ORC5: variants seen among roughly 807,000 people sequenced by gnomAD.
ORC5 encodes origin recognition complex subunit 5, also known as protein phosphatase 1, regulatory subunit 117.
In ORC5, 39 loss-of-function variants were observed where a neutral mutation model predicts 58.8. The ratio of observed to expected loss-of-function variants is 0.66; its 90% CI spans 0.51 to 0.87. The LOEUF is 0.87. Ranked by LOEUF, ORC5 falls within the 40% of genes least tolerant of loss-of-function variation. The probability of loss-of-function intolerance (pLI) is 0.00; values close to 1 mark genes in which losing one functional copy is unlikely to be tolerated. For synonymous variants in ORC5, 218 were observed against 177.6 expected, an observed-to-expected ratio of 1.23 and a Z score of -1.81; for missense variants, 493 against 506.3, an observed-to-expected ratio of 0.97 and a Z score of 0.25.
intron 12 of ORC5, among the ~76,000 whole-genome samples, chr7:104,143,312 A>T (rs925453024): frequency 6.6e-6 from 1 of 152,130 alleles, no homozygotes. Flanking sequence ...TTTTTCCACA[A>T]TTTTTTCATA....
intron 6 of ORC5, chr7:104,187,925 TTC>T (rs1189479836): frequency 1.0e-6 from 1 of 999,952 alleles, no homozygotes; most frequent in East Asian, 1.0e-4. Context: ...TACATCTCTT[TTC>T]TGTTATTCCT....
At chr7:104,131,573 C>A (rs889592624) in intron 13 of ORC5, among the ~76,000 whole-genome samples, 1 of 152,116 alleles carries the variant, frequency 6.6e-6, no homozygotes, top group Non-Finnish European at 1.5e-5. Context: ...CTCTCTTGGC[C>A]AGACACAGTG....
At chr7:104,189,051 T>C (rs1799614226) in intron 5 of ORC5, among the ~76,000 whole-genome samples, 1 of 152,020 alleles carries the variant, frequency 6.6e-6, no homozygotes, top group African/African-American at 2.4e-5. Context: ...CAGTCTCAGG[T>C]ATGTTTATAG....
chr7:104,179,587 T>TAA (rs1485002096), intron 8 of ORC5, among the ~76,000 whole-genome samples: 6 of 147,722 alleles, frequency 4.1e-5, no homozygotes, highest in African/African-American at 1.2e-4. Context: ...AAATTAGAGG[T>TAA]TTTCACTTTG....
intron 3 of ORC5, among the ~76,000 whole-genome samples, chr7:104,199,536 C>T (rs548257632): frequency 1.3e-5 from 2 of 152,376 alleles, no homozygotes; most frequent in African/African-American, 4.8e-5. Context: ...GGATTGCAGA[C>T]TTTCTTGGGG....
intron 1 of ORC5, among the ~76,000 whole-genome samples, chr7:104,207,294 T>C (rs1246519071): frequency 1.3e-5 from 2 of 152,190 alleles, no homozygotes; most frequent in African/African-American, 4.8e-5. Context: ...CTCTAGGGCA[T>C]CCTGTGAACT....
Position 104,128,714 on chromosome 7 carries a change from C to T in ORC5, c.1263-1821G>A, listed in dbSNP as rs561272550. ...CAACAGTCCCCAGAGTGTGATGTTC[C>T]CCTTCCTGTGTCCGTGTGTTCTCAT... On this transcript the variant is annotated intron_variant, in intron 13 of 13. Coordinates refer to ENST00000297431, the MANE Select transcript of ORC5 (RefSeq NM_002553.4). Among the ~76,000 whole-genome samples the T allele has an allele frequency of 9.2e-5, 12 of 130,924 alleles. No individual in the cohort carries two copies. The East Asian group carries it at 3.3e-3, about 36-fold the overall frequency. The allele number at this position is 130,924 out of a possible 152,430, so 85.9% of individuals were successfully genotyped here.
intron 1 of ORC5, among the ~76,000 whole-genome samples, chr7:104,207,192 A>T (rs942718265): frequency 2.0e-5 from 3 of 151,946 alleles, no homozygotes; most frequent in Admixed American, 1.3e-4. Flanking sequence ...AATAGTCAAA[A>T]ATAGGTTAAA....
intron 12 of ORC5, among the ~76,000 whole-genome samples, chr7:104,153,319 A>C (rs1475700644): frequency 2.0e-5 from 3 of 152,192 alleles, no homozygotes; most frequent in Non-Finnish European, 4.4e-5. Flanking sequence ...AGGAGATTTG[A>C]GAATCTCATT....
chr7:104,170,425 G>A (rs1019899002), intron 8 of ORC5, among the ~76,000 whole-genome samples: 15 of 152,154 alleles, frequency 9.9e-5, no homozygotes, highest in African/African-American at 3.6e-4. Flanking sequence ...GAGTCAGAAG[G>A]ATCCTTCTAA....
intron 11 of ORC5, 137 bp from the exon 12 acceptor site, chr7:104,161,319 A>C: frequency 9.0e-6 from 5 of 558,582 alleles, no homozygotes; most frequent in Non-Finnish European, 1.6e-5. Context: ...TAACCTGCAA[A>C]CTCTAAGTTA....
intron 1 of ORC5, among the ~76,000 whole-genome samples, chr7:104,206,672 T>G (rs192543254): frequency 6.6e-6 from 1 of 152,238 alleles, no homozygotes; most frequent in African/African-American, 2.4e-5. Flanking sequence ...CCACCTCAAA[T>G]TGCCATGCAA....
intron 13 of ORC5, among the ~76,000 whole-genome samples, chr7:104,128,284 G>A (rs1312756491): frequency 6.6e-6 from 1 of 152,086 alleles, no homozygotes; most frequent in East Asian, 1.9e-4. Flanking sequence ...CAACACGCCT[G>A]GCTAATTTTT....
intron 1 of ORC5, 47 bp downstream of exon 1, chr7:104,207,786 C>T: frequency 1.3e-6 from 2 of 1,563,284 alleles, no homozygotes; most frequent in Non-Finnish European, 1.8e-6. Context: ...CGCAAGACTA[C>T]CGAAACGTCT....
At position 104,126,628 on chromosome 7, in the gene ORC5, C is replaced by T. The variant is rs1326914831; in HGVS notation, c.*220G>A. ...CAAACCCTGCTGTTTATAATTAACA[C>T]GTTGCTTCCAAATACTCCAGGGTCC... On this transcript the variant is annotated 3_prime_UTR_variant, in exon 14 of 14. Coordinates refer to ENST00000297431, the MANE Select transcript of ORC5 (RefSeq NM_002553.4). 1.1e-5 allele frequency: 5 copies of T among 466,892 alleles called. No homozygotes were observed. The highest frequency in any genetic ancestry group is 1.5e-5 in the Non-Finnish European group (4 of 265,814). The allele number at this position is 466,892 out of a possible 1,614,324, so 28.9% of individuals were successfully genotyped here.
chr7:104,159,124 A>C (rs1382514640), intron 12 of ORC5, among the ~76,000 whole-genome samples: 1 of 150,944 alleles, frequency 6.6e-6, no homozygotes, highest in Non-Finnish European at 1.5e-5. Flanking sequence ...TGGCACATAT[A>C]CACCATGGAA....
intron 10 of ORC5, among the ~76,000 whole-genome samples, chr7:104,166,229 A>G (rs577985704): frequency 6.6e-6 from 1 of 152,324 alleles, no homozygotes; most frequent in East Asian, 1.9e-4. Flanking sequence ...AGCATGAAGA[A>G]TGAGTAGAGA....
At chr7:104,167,196 C>A (rs11973246) in intron 9 of ORC5, among the ~76,000 whole-genome samples, 21 of 152,132 alleles carry the variant, frequency 1.4e-4, no homozygotes, top group Admixed American at 1.2e-3. Context: ...AATAGAGAAA[C>A]TTATTTCTAC....
intron 8 of ORC5, among the ~76,000 whole-genome samples, chr7:104,181,825 T>C (rs1306140502): frequency 1.3e-5 from 2 of 150,678 alleles, no homozygotes; most frequent in Non-Finnish European, 3.0e-5. Flanking sequence ...GTGCACAGAA[T>C]TGCCTGGTTT....
Sources: gnomAD v4.1 joint callset for allele counts (sites outside exome capture counted in the v4.1 genomes callset) on GRCh38, gnomAD v4.1.1 for gene constraint, MANE v1.5 for transcripts, NCBI Gene and HGNC (gene_info 2026-07-23, HGNC 2026-07-21) for gene names.